Variants in CA13 observed in about 807,000 individuals in gnomAD.
The protein encoded by CA13 is CA-XIII.
CA13 carries 21 observed loss-of-function variants against 31.5 expected under a neutral mutation model. The observed-to-expected ratio is 0.67, with a 90% CI of 0.47 to 0.96. The LOEUF (loss-of-function observed/expected upper bound fraction) is 0.96, where lower values mean the gene tolerates loss of function less well. Among genes scored for constraint, CA13 ranks in the 40% least tolerant of loss-of-function variants. The probability of loss-of-function intolerance (pLI) is 0.00; values close to 1 mark genes in which losing one functional copy is unlikely to be tolerated. For synonymous variants in CA13, 117 were observed against 111.4 expected (o/e 1.05, Z -0.32); for missense variants, 315 against 318.9 (o/e 0.99, Z 0.09).
chr8:85,256,784 A>G (rs886209706), intron 2 of CA13, among the ~76,000 whole-genome samples: 3 of 152,222 alleles, frequency 2.0e-5, no homozygotes, highest in African/African-American at 7.2e-5. Flanking sequence ...TTAGTATTGA[A>G]TAATTGCTAG....
intron 2 of CA13, among the ~76,000 whole-genome samples, chr8:85,256,731 A>AGAT (rs1807302400): frequency 6.6e-6 from 1 of 152,194 alleles, no homozygotes; most frequent in African/African-American, 2.4e-5. Context: ...TCACTAGACT[A>AGAT]AGTTTCTTAA....
At chr8:85,278,099 T>TA (rs969064459) in intron 6 of CA13, among the ~76,000 whole-genome samples, 150 of 142,912 alleles carry the variant, frequency 1.0e-3, no homozygotes, top group African/African-American at 2.6e-3. Flanking sequence ...TGTCTTCACT[T>TA]AAAAAAAAAA....
chr8:85,247,849 G>A (rs144891900), intron 1 of CA13, among the ~76,000 whole-genome samples: 6 of 151,768 alleles, frequency 4.0e-5, no homozygotes, highest in African/African-American at 9.7e-5. Context: ...GGAATTACAG[G>A]CATGAGCCAC....
At chr8:85,258,715 G>T (rs1807335019) in intron 2 of CA13, among the ~76,000 whole-genome samples, 1 of 127,232 alleles carries the variant, frequency 7.9e-6, no homozygotes. Flanking sequence ...TTGAGGCCAG[G>T]AGTTTGAGAC....
intron 6 of CA13, among the ~76,000 whole-genome samples, chr8:85,270,788 A>G (rs1016304215): frequency 1.3e-5 from 2 of 152,218 alleles, no homozygotes; most frequent in Non-Finnish European, 2.9e-5. Context: ...ATCAAAATAT[A>G]TAGTTTAGTT....
chr8:85,252,194 C>G (rs1807202626), intron 2 of CA13, among the ~76,000 whole-genome samples: 1 of 152,100 alleles, frequency 6.6e-6, no homozygotes, highest in Admixed American at 6.5e-5. Flanking sequence ...GAGGTCAAGG[C>G]TGCAATGAGC....
At chr8:85,261,902 A>G (rs1587539390) in intron 3 of CA13, among the ~76,000 whole-genome samples, 1 of 151,882 alleles carries the variant, frequency 6.6e-6, no homozygotes, top group Non-Finnish European at 1.5e-5. Context: ...CTAGAGTGCC[A>G]TGGTACAAAC....
intron 2 of CA13, among the ~76,000 whole-genome samples, chr8:85,257,072 A>C (rs1807311679): frequency 6.6e-6 from 1 of 152,166 alleles, no homozygotes. Context: ...TTCAGAGAAC[A>C]AGTTTACCAT....
intron 6 of CA13, among the ~76,000 whole-genome samples, chr8:85,279,438 A>T (rs1474716536): frequency 6.6e-6 from 1 of 152,108 alleles, no homozygotes; most frequent in Admixed American, 6.6e-5. Context: ...TGATTGTGAG[A>T]CCCAGTTATA....
At chr8:85,272,510 C>G (rs914324262) in intron 6 of CA13, among the ~76,000 whole-genome samples, 1 of 152,158 alleles carries the variant, frequency 6.6e-6, no homozygotes, top group African/African-American at 2.4e-5. Context: ...CCCATCTTAG[C>G]CTCCCAAAGT....
chr8:85,266,785 T>A, intron 4 of CA13, 82 bp downstream of exon 4: 8 of 1,004,238 alleles, frequency 8.0e-6, no homozygotes, highest in Non-Finnish European at 1.2e-5. Flanking sequence ...TTCAACCATC[T>A]TGTTTAATAG....
chr8:85,272,022 T>G (rs770040533), intron 6 of CA13, among the ~76,000 whole-genome samples: 1 of 152,090 alleles, frequency 6.6e-6, no homozygotes, highest in Non-Finnish European at 1.5e-5. Context: ...GAGCCCATAT[T>G]GCGCCGCTGT....
At chr8:85,245,893 G>GACGAGA (rs1563997703) in intron 1 of CA13, 28 bp downstream of exon 1, 2 of 1,613,972 alleles carry the variant, frequency 1.2e-6, no homozygotes, top group South Asian at 2.2e-5. Context: ...ATCCAAGGGG[G>GACGAGA]GGTTTGTGCG....
chr8:85,267,307 G>T, intron 4 of CA13: 1 of 985,812 alleles, frequency 1.0e-6, no homozygotes, highest in Non-Finnish European at 1.2e-6. Context: ...CTTGCCTTTG[G>T]ACACCAAGTA....
At chr8:85,254,424 A>G (rs1807249175) in intron 2 of CA13, among the ~76,000 whole-genome samples, 1 of 152,134 alleles carries the variant, frequency 6.6e-6, no homozygotes, top group Admixed American at 6.6e-5. Context: ...CTCTATGAGA[A>G]CCCAGGTTTC....
rs543445333 is a variant in CA13, at chr8:85,279,080, C to A, written c.670-2150C>A. Among the ~76,000 whole-genome samples, 3 of 152,272 alleles carry A rather than the reference C, an allele frequency of 2.0e-5. No homozygotes were observed. The East Asian group carries it at 5.8e-4, about 29-fold the overall frequency. On this transcript the variant is annotated intron_variant, in intron 6 of 6. Coordinates refer to ENST00000321764, the MANE Select transcript of CA13 (RefSeq NM_198584.3). ...CATGAGAGTGGCATAAAGCTGTTTA[C>A]AGAACCATAGAAGAGTATTTTAGCT... is the stretch of plus-strand genomic sequence containing the variant.
rs1053008319 is a variant in CA13, at chr8:85,282,489, G to T, written c.*1140G>T. Reference sequence around the variant, plus strand: ...CTTAGGCATGATGAACATGTGGCCCGTTTTTGCCTGGTGTTTTGGCAGCAA... The same window carrying T: ...CTTAGGCATGATGAACATGTGGCCCTTTTTTGCCTGGTGTTTTGGCAGCAA... On this transcript the variant is annotated 3_prime_UTR_variant, in exon 7 of 7. Coordinates refer to ENST00000321764, the MANE Select transcript of CA13 (RefSeq NM_198584.3). 6.6e-6 allele frequency: 1 copy of T among 152,418 alleles called. No homozygotes were observed. The highest frequency in any genetic ancestry group is 2.4e-5 in the African/African-American group (1 of 41,448). 9.4% of individuals were successfully genotyped at this position (152,418 alleles called of 1,614,324 possible).
chr8:85,253,456 G>T (rs1368578549), intron 2 of CA13, among the ~76,000 whole-genome samples: 1 of 151,664 alleles, frequency 6.6e-6, no homozygotes, highest in Non-Finnish European at 1.5e-5. Flanking sequence ...ATAGAGAAAA[G>T]GTTTTGCCAT....
intron 1 of CA13, among the ~76,000 whole-genome samples, chr8:85,247,461 G>A (rs747406996): frequency 3.3e-5 from 5 of 152,160 alleles, no homozygotes; most frequent in Non-Finnish European, 7.3e-5. Context: ...TCTTTTAGAT[G>A]CGATCTCTCT....
Sources: allele counts gnomAD v4.1 joint callset (sites outside exome capture counted in the v4.1 genomes callset), GRCh38; gene constraint gnomAD v4.1.1; transcripts MANE v1.5; gene names NCBI Gene and HGNC (gene_info 2026-07-23, HGNC 2026-07-21).